Variants in GOLGA8B observed in about 807,000 individuals in gnomAD.
The protein encoded by GOLGA8B is golgin A8 family member B.
In GOLGA8B, 1 loss-of-function variant was observed where a neutral mutation model predicts 15.6. The ratio of observed to expected loss-of-function variants is 0.06; its 90% CI spans 0.02 to 0.30. GOLGA8B has a LOEUF of 0.30. GOLGA8B is among the 10% of genes least tolerant of loss of function. The pLI is 1.00. For synonymous variants in GOLGA8B, 9 were observed against 80.3 expected (o/e 0.11, Z 4.75); for missense variants, 17 against 201.3 (o/e 0.08, Z 5.54).
In GOLGA8B at chr15:34,547,056, C is replaced by T. The variant is rs948082004; in HGVS notation, c.-574-74G>A. 27 of 91,096 alleles carry T rather than the reference C, an allele frequency of 3.0e-4. 6 individuals carry two copies. The highest frequency in any genetic ancestry group is 1.2e-3 in the African/African-American group (21 of 17,958). The allele number at this position is 91,096 out of a possible 1,614,324, so 5.6% of individuals were successfully genotyped here. A position where few individuals can be genotyped will look rare whatever the true frequency, so the allele number is the denominator to read the frequency against. On this transcript the variant is annotated intron_variant, in intron 4 of 23. Coordinates refer to ENST00000683415, the MANE Select transcript of GOLGA8B (RefSeq NM_001023567.5). ...AAAGTTCAATCATAAGATATATCCA[C>T]AAGCAAAAATATACACACAAAAAGC...
intron 1 of GOLGA8B, among the ~76,000 whole-genome samples, chr15:34,567,719 T>C (rs1390795767): frequency 6.6e-6 from 1 of 151,886 alleles, no homozygotes; most frequent in Non-Finnish European, 1.5e-5. Context: ...CACGGGCAGA[T>C]ATTAAACCCA....
intron 1 of GOLGA8B, among the ~76,000 whole-genome samples, chr15:34,569,754 A>T (rs1318251419): frequency 6.6e-6 from 1 of 151,400 alleles, no homozygotes; most frequent in Non-Finnish European, 1.5e-5. Context: ...ACCTAGCAGT[A>T]GCCACTCCCT....
chr15:34,573,427 C>T (rs1418496660), intron 1 of GOLGA8B, among the ~76,000 whole-genome samples: 1 of 151,098 alleles, frequency 6.6e-6, no homozygotes, highest in Non-Finnish European at 1.5e-5. Flanking sequence ...GTCCCAGCTA[C>T]TCGGGAGGCT....
intron 1 of GOLGA8B, among the ~76,000 whole-genome samples, chr15:34,572,150 A>T (rs1888931733): frequency 6.6e-6 from 1 of 152,246 alleles, no homozygotes; most frequent in Non-Finnish European, 1.5e-5. Context: ...AAGACTGATC[A>T]TGTCCAGAGA....
At position 34,546,960 on chromosome 15, in the gene GOLGA8B, C is replaced by A. The variant is rs1205152841; in HGVS notation, c.-552G>T. 1.9e-5 allele frequency: 2 copies of A among 104,802 alleles called. No individual in the cohort carries two copies. The highest frequency in any genetic ancestry group is 3.6e-5 in the Non-Finnish European group (2 of 55,840). The allele number at this position is 104,802 out of a possible 1,614,324, so 6.5% of individuals were successfully genotyped here. On this transcript the variant is annotated 5_prime_UTR_variant, in exon 5 of 24. Transcript: ENST00000683415. Reference sequence around the variant, plus strand: ...CGGATTCATACTTCAGGAAGACAACCCAGTTGACAACGACAACAGTTTCTA... The same window carrying A: ...CGGATTCATACTTCAGGAAGACAACACAGTTGACAACGACAACAGTTTCTA...
intron 1 of GOLGA8B, among the ~76,000 whole-genome samples, chr15:34,563,703 T>TC (rs1358700375): frequency 6.6e-6 from 1 of 151,934 alleles, no homozygotes; most frequent in Non-Finnish European, 1.5e-5. Context: ...CCTGTGTTTT[T>TC]CACAGAATAG....
intron 4 of GOLGA8B, among the ~76,000 whole-genome samples, chr15:34,548,529 CAG>C (rs1888338776): frequency 8.0e-6 from 1 of 125,134 alleles, no homozygotes; most frequent in Non-Finnish European, 1.6e-5. Flanking sequence ...TAAGGGGGTT[CAG>C]AGTTTGCAGT....
chr15:34,557,758 CTT>C lies in GOLGA8B; in HGVS notation c.-1122-3804_-1122-3803del, dbSNP rs1232270418. Among the ~76,000 whole-genome samples the C allele has an allele frequency of 6.0e-5, 5 of 82,828 alleles. No individual in the cohort carries two copies. The East Asian group carries it at 1.5e-3, about 24-fold the overall frequency. 54.3% of individuals were successfully genotyped at this position (82,828 alleles called of 152,430 possible). ...ATTTTCAGCACTTGTATCTTAATGTCTTGTCTTCTCTCTAGAACACATTGTGT... is the reference window on the plus strand; with the variant it reads ...ATTTTCAGCACTTGTATCTTAATGTCGTCTTCTCTCTAGAACACATTGTGT... On this transcript the variant is annotated intron_variant, in intron 1 of 23. Transcript: ENST00000683415.
At chr15:34,575,838 T>C (rs1355684389) in intron 1 of GOLGA8B, among the ~76,000 whole-genome samples, 4 of 152,204 alleles carry the variant, frequency 2.6e-5, no homozygotes, top group Non-Finnish European at 5.9e-5. Flanking sequence ...ACCCCTTCCA[T>C]GCCCTCCCTC....
intron 1 of GOLGA8B, among the ~76,000 whole-genome samples, chr15:34,579,780 G>C (rs1337851511): frequency 3.3e-5 from 5 of 152,314 alleles, no homozygotes; most frequent in Non-Finnish European, 5.9e-5. Context: ...CTGCTCCCGT[G>C]TTTCATTCAC....
intron 1 of GOLGA8B, among the ~76,000 whole-genome samples, chr15:34,563,651 A>G (rs1888682187): frequency 6.6e-6 from 1 of 151,984 alleles, no homozygotes; most frequent in Non-Finnish European, 1.5e-5. Context: ...TGGGAGAAAT[A>G]TGTGTTCAGT....
rs1271165585 is a variant in GOLGA8B, at chr15:34,577,505, CAT to C, written c.-1123+6009_-1123+6010del. On this transcript the variant is annotated intron_variant, in intron 1 of 23. Transcript: ENST00000683415. ...CAACCAAATGAAAAAAATTATATAT[CAT>C]ACACACACACACACACACACACACA... Among the ~76,000 whole-genome samples the C allele has an allele frequency of 5.2e-3, 260 of 50,414 alleles. 1 individual carries two copies. The highest frequency in any genetic ancestry group is 0.014 in the South Asian group (22 of 1,560). 33.1% of individuals were successfully genotyped at this position (50,414 alleles called of 152,430 possible).
intron 1 of GOLGA8B, among the ~76,000 whole-genome samples, chr15:34,576,019 T>C (rs1889068469): frequency 6.6e-6 from 1 of 152,216 alleles, no homozygotes; most frequent in Non-Finnish European, 1.5e-5. Context: ...GCAGAGTCCC[T>C]GAGTGTCAAA....
chr15:34,575,846 C>T (rs867885092), intron 1 of GOLGA8B, among the ~76,000 whole-genome samples: 23 of 152,354 alleles, frequency 1.5e-4, no homozygotes, highest in African/African-American at 5.5e-4. Flanking sequence ...CATGCCCTCC[C>T]TCCTGATCCC....
At chr15:34,566,357 A>C (rs537509504) in intron 1 of GOLGA8B, 1 of 143,668 alleles carries the variant, frequency 7.0e-6, no homozygotes, top group Admixed American at 6.8e-5. Flanking sequence ...TATTTACCAT[A>C]ATTTTTAAAA....
chr15:34,550,772 T>A (rs1374145692), intron 4 of GOLGA8B, among the ~76,000 whole-genome samples: 1 of 133,774 alleles, frequency 7.5e-6, no homozygotes, highest in Non-Finnish European at 1.6e-5. Flanking sequence ...GGTAGGAGGA[T>A]CGCGTGAACT....
chr15:34,568,674 T>C (rs865970996), intron 1 of GOLGA8B, among the ~76,000 whole-genome samples: 61 of 31,848 alleles, frequency 1.9e-3, no homozygotes, highest in African/African-American at 0.014. Flanking sequence ...CATAGTGAGA[T>C]CCCGTCTCAA....
At position 34,576,358 on chromosome 15, in the gene GOLGA8B, A is replaced by G. The variant is rs557131259; in HGVS notation, c.-1123+7158T>C. 2.6e-5 allele frequency among the ~76,000 whole-genome samples: 4 copies of G among 152,306 alleles called. No homozygotes were observed. The South Asian group carries it at 8.3e-4, about 32-fold the overall frequency. On this transcript the variant is annotated intron_variant, in intron 1 of 23. Coordinates refer to ENST00000683415, the MANE Select transcript of GOLGA8B (RefSeq NM_001023567.5). The stretch of plus-strand genomic sequence containing the variant: ...AAGAAGAAAACCATTACTTAATAAA[A>G]TGCAATTAATTTAGAAGCTGAAAAC...
At chr15:34,547,862 AAT>A (rs1430042451) in intron 4 of GOLGA8B, among the ~76,000 whole-genome samples, 1 of 123,762 alleles carries the variant, frequency 8.1e-6, no homozygotes, top group Admixed American at 8.3e-5. Flanking sequence ...AATTGTACAA[AAT>A]AGGTTTTGGG....
Sources: gnomAD v4.1 joint callset for allele counts (sites outside exome capture counted in the v4.1 genomes callset) on GRCh38, gnomAD v4.1.1 for gene constraint, MANE v1.5 for transcripts, NCBI Gene and HGNC (gene_info 2026-07-23, HGNC 2026-07-21) for gene names.